Variants in SLC35F3 observed in about 807,000 individuals in gnomAD.
SLC35F3 encodes the protein solute carrier family 35 member F3.
A neutral mutation model predicts 49.9 loss-of-function variants in SLC35F3; 25 were observed. That is an observed-to-expected ratio of 0.50 (90% CI 0.37 to 0.70). The LOEUF (loss-of-function observed/expected upper bound fraction) is 0.70. Among genes scored for constraint, SLC35F3 ranks in the 30% least tolerant of loss-of-function variants. SLC35F3 has a pLI of 0.00. For missense variants in SLC35F3, 525 were observed against 639.8 expected, an observed-to-expected ratio of 0.82 and a Z score of 1.94; for synonymous variants, 275 against 265.4, an observed-to-expected ratio of 1.04 and a Z score of -0.35.
At chr1:234,228,774 G>C (rs1279371231) in intron 2 of SLC35F3, among the ~76,000 whole-genome samples, 1 of 152,150 alleles carries the variant, frequency 6.6e-6, no homozygotes, top group Non-Finnish European at 1.5e-5. Flanking sequence ...AGACACAAAA[G>C]ACTAGGGAAA....
chr1:234,034,410 T>A (rs1011378491), intron 2 of SLC35F3, among the ~76,000 whole-genome samples: 1 of 152,240 alleles, frequency 6.6e-6, no homozygotes, highest in African/African-American at 2.4e-5. Flanking sequence ...TGGGCATCCT[T>A]GTCTTGTTCC....
At chr1:234,271,523 T>C (rs1668105426) in intron 3 of SLC35F3, among the ~76,000 whole-genome samples, 1 of 152,208 alleles carries the variant, frequency 6.6e-6, no homozygotes, top group South Asian at 2.1e-4. Flanking sequence ...TCTGTTATCT[T>C]TGATTGAACA....
rs117349173 is a variant in SLC35F3 at position 234,169,615 on chromosome 1, C to T, written c.284-61802C>T. Among the ~76,000 whole-genome samples the T allele has an allele frequency of 1.5e-3, 231 of 152,238 alleles. 2 individuals are homozygous for T. In the South Asian group the frequency reaches 0.017, roughly 11 times the overall value. ...CTTGTTGACCATGGGGCCCACAGCT[C>T]CACTACGGGAGGAGGTCAAGTACCT... On this transcript the variant is annotated intron_variant, in intron 2 of 7. Coordinates refer to ENST00000366618, the MANE Select transcript of SLC35F3 (RefSeq NM_173508.4).
At chr1:233,913,632 A>G (rs1303265579) in intron 2 of SLC35F3, among the ~76,000 whole-genome samples, 1 of 152,230 alleles carries the variant, frequency 6.6e-6, no homozygotes, top group East Asian at 1.9e-4. Context: ...TAAAGGCCTA[A>G]GTGGCCGTTT....
chr1:234,275,206 T>C (rs137907752), intron 3 of SLC35F3, among the ~76,000 whole-genome samples: 131 of 152,282 alleles, frequency 8.6e-4, no homozygotes, highest in African/African-American at 3.1e-3. Flanking sequence ...TTCTTTAAAA[T>C]ATTGTAGAAA....
intron 2 of SLC35F3, among the ~76,000 whole-genome samples, chr1:233,948,254 A>C (rs957031284): frequency 6.8e-6 from 1 of 147,252 alleles, no homozygotes; most frequent in African/African-American, 2.6e-5. Context: ...AGAGAGAGAG[A>C]GAATGTGTGA....
intron 2 of SLC35F3, among the ~76,000 whole-genome samples, chr1:233,980,928 T>C (rs556160644): frequency 6.6e-6 from 1 of 152,204 alleles, no homozygotes; most frequent in African/African-American, 2.4e-5. Flanking sequence ...GTAATATTAT[T>C]TCCCTCATTT....
chr1:234,290,092 G>T (rs1039891297), intron 3 of SLC35F3, among the ~76,000 whole-genome samples: 6 of 152,186 alleles, frequency 3.9e-5, no homozygotes, highest in African/African-American at 1.4e-4. Flanking sequence ...CAGCTCAAAA[G>T]AGAATTAGTG....
In SLC35F3 at chr1:234,316,577, C is replaced by T. The variant is rs1657493920; in HGVS notation, c.829-25C>T. The T allele has an allele frequency of 1.9e-6, 3 of 1,592,426 alleles. No individual in the cohort carries two copies. In the African/African-American group the frequency reaches 4.0e-5, roughly 21 times the overall value. On this transcript the variant is annotated intron_variant, in intron 4 of 7. Coordinates refer to ENST00000366618, the MANE Select transcript of SLC35F3 (RefSeq NM_173508.4). ...TCTGACTCCGTCCCGACTTCCCTGA[C>T]CAGCATTTTCTTCCGTCTGTCCAGA...
intron 2 of SLC35F3, among the ~76,000 whole-genome samples, chr1:234,108,467 TAAAAG>T (rs1665328748): frequency 1.1e-5 from 1 of 90,586 alleles, no homozygotes. Flanking sequence ...TTTATATATA[TAAAAG>T]ATATATATAT....
chr1:234,301,888 A>G (rs2102990591), intron 3 of SLC35F3, among the ~76,000 whole-genome samples: 1 of 152,366 alleles, frequency 6.6e-6, no homozygotes, highest in East Asian at 1.9e-4. Flanking sequence ...TGTCCTTTGC[A>G]GGAACGTGGA....
intron 2 of SLC35F3, among the ~76,000 whole-genome samples, chr1:234,040,206 A>G (rs1331553721): frequency 1.3e-5 from 2 of 152,082 alleles, no homozygotes; most frequent in African/African-American, 2.4e-5. Context: ...CTCTGAAGTC[A>G]AGTTGCCTCT....
chr1:234,233,412 C>G (rs1667415159), intron 3 of SLC35F3, among the ~76,000 whole-genome samples: 1 of 152,208 alleles, frequency 6.6e-6, no homozygotes, highest in African/African-American at 2.4e-5. Context: ...CTGCTACCTT[C>G]AACCATACAG....
chr1:234,253,052 G>A (rs1341713442), intron 3 of SLC35F3, among the ~76,000 whole-genome samples: 2 of 152,126 alleles, frequency 1.3e-5, no homozygotes, highest in East Asian at 1.9e-4. Flanking sequence ...CTGGCCAGGC[G>A]CAGTGGCTCA....
intron 2 of SLC35F3, among the ~76,000 whole-genome samples, chr1:233,943,923 C>T (rs1170477599): frequency 6.6e-6 from 1 of 152,110 alleles, no homozygotes; most frequent in Admixed American, 6.5e-5. Context: ...ATTGAATAAC[C>T]TGCTCCTGAA....
intron 3 of SLC35F3, among the ~76,000 whole-genome samples, chr1:234,244,120 T>G (rs1667595527): frequency 6.6e-6 from 1 of 152,176 alleles, no homozygotes; most frequent in Non-Finnish European, 1.5e-5. Context: ...ATGATCTCCA[T>G]CTCTCCCCAC....
intron 2 of SLC35F3, among the ~76,000 whole-genome samples, chr1:233,932,352 T>A (rs1489345403): frequency 5.3e-5 from 8 of 152,122 alleles, no homozygotes; most frequent in African/African-American, 1.9e-4. Context: ...TAAACAAATC[T>A]GTGTATAAGT....
At chr1:234,293,707 C>G (rs1431069024) in intron 3 of SLC35F3, among the ~76,000 whole-genome samples, 2 of 152,166 alleles carry the variant, frequency 1.3e-5, no homozygotes, top group Non-Finnish European at 2.9e-5. Context: ...CCAGTGCACC[C>G]AGACACACCA....
chr1:234,106,265 GTGT>G (rs1406937839), intron 2 of SLC35F3, among the ~76,000 whole-genome samples: 2 of 152,240 alleles, frequency 1.3e-5, no homozygotes, highest in African/African-American at 4.8e-5. Context: ...CCAAGGGTAA[GTGT>G]CTGCTGGGGA....
Sources: gnomAD v4.1 joint callset for allele counts (sites outside exome capture counted in the v4.1 genomes callset) on GRCh38, gnomAD v4.1.1 for gene constraint, MANE v1.5 for transcripts, NCBI Gene and HGNC (gene_info 2026-07-23, HGNC 2026-07-21) for gene names.